The following CEP97 variants were observed in gnomAD, a reference collection of about 807,000 sequenced individuals.
The protein encoded by CEP97 is centrosomal protein 97.
In CEP97, 43 loss-of-function variants were observed where a neutral mutation model predicts 73.1. The observed-to-expected ratio is 0.59, with a 90% CI of 0.46 to 0.76. The LOEUF (loss-of-function observed/expected upper bound fraction) is 0.76. Ranked by LOEUF, CEP97 falls within the 30% of genes least tolerant of loss-of-function variation. CEP97 has a pLI of 0.00. For missense variants in CEP97, 939 were observed against 1,014.0 expected (o/e 0.93, Z 1.00); for synonymous variants, 337 against 370.0 (o/e 0.91, Z 1.02).
rs1486573218 is a variant in CEP97, at chr3:101,765,595, A to G, written c.*44A>G. 1 of 1,505,908 alleles carries G rather than the reference A, an allele frequency of 6.6e-7. No homozygotes were observed. Among genetic ancestry groups the G allele is most frequent in the African/African-American group, 1.4e-5 (1 of 71,586 alleles). 93.3% of individuals were successfully genotyped at this position (1,505,908 alleles called of 1,614,324 possible). On this transcript the variant is annotated 3_prime_UTR_variant, in exon 11 of 11. Coordinates refer to ENST00000341893, the MANE Select transcript of CEP97 (RefSeq NM_024548.4). ...GATATCCACTTAACTTTTCTTAAAA[A>G]TACTTTCAGTTGCCTTTGCTTTTTT...
At chr3:101,759,718 C>T (rs1408804667) in intron 9 of CEP97, among the ~76,000 whole-genome samples, 1 of 152,090 alleles carries the variant, frequency 6.6e-6, no homozygotes, top group Non-Finnish European at 1.5e-5. Context: ...TTTGAACATC[C>T]CCATCCTGCT....
chr3:101,744,021 G>T (rs1336271465), intron 6 of CEP97, among the ~76,000 whole-genome samples: 1 of 130,278 alleles, frequency 7.7e-6, no homozygotes, highest in Non-Finnish European at 1.7e-5. Flanking sequence ...AAAAAAAAAA[G>T]ACTGATAATA....
In CEP97 at chr3:101,768,416, A is replaced by G. The variant is rs1024580295; in HGVS notation, c.*2865A>G. 12 of 152,292 alleles carry G rather than the reference A, an allele frequency of 7.9e-5. No homozygotes were observed. The highest frequency in any genetic ancestry group is 2.6e-4 in the African/African-American group (11 of 41,556). 9.4% of individuals were successfully genotyped at this position (152,292 alleles called of 1,614,324 possible). On this transcript the variant is annotated 3_prime_UTR_variant, in exon 11 of 11. Coordinates refer to ENST00000341893, the MANE Select transcript of CEP97 (RefSeq NM_024548.4). Reference sequence around the variant, plus strand: ...GAAAAAAACTTCTAAGAGAGCTACAACTCTATCACTCATGACAGAGTTGCT... The same window carrying G: ...GAAAAAAACTTCTAAGAGAGCTACAGCTCTATCACTCATGACAGAGTTGCT...
At chr3:101,757,317 A>G (rs1177914300) in intron 8 of CEP97, 121 bp downstream of exon 8, 13 of 1,070,300 alleles carry the variant, frequency 1.2e-5, no homozygotes, top group Non-Finnish European at 1.7e-5. Context: ...TTCAGTAATC[A>G]TTTAGATCTT....
rs1189403277 is a variant in CEP97, at chr3:101,758,050, T to C, written c.1444T>C (p.Leu482=). The C allele has an allele frequency of 6.2e-7, 1 of 1,614,238 alleles. No homozygotes were observed. The highest frequency in any genetic ancestry group is 8.5e-7 in the Non-Finnish European group (1 of 1,180,042). Residue 482 remains leucine, a synonymous_variant, in exon 9 of 11, where the codon TTA becomes CTA. Coordinates refer to ENST00000341893, the MANE Select transcript of CEP97 (RefSeq NM_024548.4). The part of the protein sequence containing the change: ...NTEVNEKAGL[L]PCPEPTIISA... ...AGAGGTAAATGAGAAAGCTGGACTA[T>C]TACCTTGTCCTGAGCCAACAATAAT...
Position 101,755,553 on chromosome 3 carries a change from T to A in CEP97, c.852T>A (p.Thr284=). 6.2e-7 allele frequency: 1 copy of A among 1,614,220 alleles called. No individual in the cohort carries two copies. Among genetic ancestry groups the A allele is most frequent in the East Asian group, 2.2e-5 (1 of 44,884 alleles). ...TCACTTCTACACTAGGTCTTCAAAC[T>A]GCAGAGGATGCCAAACTAGAGAAGA... The part of the protein sequence containing the change: ...CPLTSTLGLQ[T]AEDAKLEKIL... Residue 284 remains threonine, a synonymous_variant, in exon 7 of 11, where the codon ACT becomes ACA. Coordinates refer to ENST00000341893, the MANE Select transcript of CEP97 (RefSeq NM_024548.4).
At chr3:101,739,563 A>AT (rs1429463788) in intron 6 of CEP97, among the ~76,000 whole-genome samples, 3 of 152,196 alleles carry the variant, frequency 2.0e-5, no homozygotes, top group South Asian at 2.1e-4. Context: ...AGAACCAATG[A>AT]TAAAAACCAC....
rs759722862 is a variant in CEP97 at position 101,757,851 on chromosome 3, A to G, written c.1245A>G (p.Leu415=). Residue 415 remains leucine, a synonymous_variant, in exon 9 of 11, where the codon CTA becomes CTG. Transcript: ENST00000341893. ...CAGTTGCATCAGGACTGTCTCCACT[A>G]TCACCTACAGTTGAGCTGAGGCTGC... is the stretch of plus-strand genomic sequence containing the variant. The part of the protein sequence containing the change: ...FMPVASGLSP[L]SPTVELRLQG... 8.7e-6 allele frequency: 14 copies of G among 1,614,232 alleles called. No homozygotes were observed. The highest frequency in any genetic ancestry group is 1.2e-5 in the Non-Finnish European group (14 of 1,180,050).
Position 101,766,042 on chromosome 3 carries a change from A to AT in CEP97, c.*492dup, listed in dbSNP as rs997830744. ...AATTTGCCAGTCTCCCTGGTGTAAA[A>AT]TGTTTTTTTAAAGCCTTTTTTCCTC... On this transcript the variant is annotated 3_prime_UTR_variant, in exon 11 of 11. Transcript: ENST00000341893. The AT allele has an allele frequency of 2.0e-5, 3 of 152,240 alleles. No homozygotes were observed. Among genetic ancestry groups the AT allele is most frequent in the Admixed American group, 1.3e-4 (2 of 15,278 alleles). The allele number at this position is 152,240 out of a possible 1,614,324, so 9.4% of individuals were successfully genotyped here.
Position 101,735,802 on chromosome 3 carries a change from G to GT in CEP97, c.728+3155dup, listed in dbSNP as rs1204126676. ...GGCAGACACCAAGCTAGCTGTAGGA[G>GT]TTTTTTTCATATCCCAGTGGCGCCT... On this transcript the variant is annotated intron_variant, in intron 6 of 10. Coordinates refer to ENST00000341893, the MANE Select transcript of CEP97 (RefSeq NM_024548.4). Among the ~76,000 whole-genome samples, 3 of 152,306 alleles carry GT rather than the reference G, an allele frequency of 2.0e-5. No homozygotes were observed. In the South Asian group the frequency reaches 6.2e-4, roughly 32 times the overall value.
At chr3:101,741,787 A>G (rs1167220153) in intron 6 of CEP97, among the ~76,000 whole-genome samples, 1 of 152,198 alleles carries the variant, frequency 6.6e-6, no homozygotes, top group African/African-American at 2.4e-5. Context: ...CACGCCTGTA[A>G]TCCCAGCACT....
At chr3:101,755,914 G>A (rs1158413412) in intron 7 of CEP97, among the ~76,000 whole-genome samples, 1 of 152,146 alleles carries the variant, frequency 6.6e-6, no homozygotes, top group African/African-American at 2.4e-5. Context: ...CTAATTTTTT[G>A]TAGAGATGAG....
chr3:101,748,233 T>G (rs1938687577), intron 6 of CEP97, among the ~76,000 whole-genome samples: 1 of 151,490 alleles, frequency 6.6e-6, no homozygotes, highest in Admixed American at 6.6e-5. Context: ...GGAGTTTTTG[T>G]TTTTGGTTTT....
chr3:101,754,790 T>TTA (rs1380012186), intron 6 of CEP97, among the ~76,000 whole-genome samples: 1 of 152,216 alleles, frequency 6.6e-6, no homozygotes, highest in African/African-American at 2.4e-5. Flanking sequence ...GAGTTTCCCA[T>TTA]TATCTGCTCA....
Position 101,728,889 on chromosome 3 carries a change from C to A in CEP97, c.399C>A (p.Asp133Glu). 6.2e-7 allele frequency: 1 copy of A among 1,605,652 alleles called. No homozygotes were observed. Among genetic ancestry groups the A allele is most frequent in the Non-Finnish European group, 8.5e-7 (1 of 1,172,268 alleles). The change falls in exon 4 of 11, where the codon GAC becomes GAA. Residue 133 changes from aspartate (D) to glutamate (E), a missense_variant. Coordinates refer to ENST00000341893, the MANE Select transcript of CEP97 (RefSeq NM_024548.4). The stretch of plus-strand genomic sequence containing the variant: ...CTCTACAGCATCTCGATTTATCAGA[C>A]AATAATATATCCCAGATAGGTGATC... ...CTALQHLDLS[D>E]NNISQIGDLS...
At chr3:101,742,815 G>A (rs1938500684) in intron 6 of CEP97, among the ~76,000 whole-genome samples, 1 of 150,726 alleles carries the variant, frequency 6.6e-6, no homozygotes, top group African/African-American at 2.4e-5. Context: ...ACATTTTTAA[G>A]AATTGTAGAA....
At chr3:101,757,223 C>T (rs770650498) in intron 8 of CEP97, 27 bp downstream of exon 8, 16 of 1,578,694 alleles carry the variant, frequency 1.0e-5, no homozygotes, top group Non-Finnish European at 1.2e-5. Context: ...TCTCTGATCC[C>T]TTTTCTCCAA....
At chr3:101,760,138 C>T (rs910719413) in intron 9 of CEP97, among the ~76,000 whole-genome samples, 1 of 150,360 alleles carries the variant, frequency 6.7e-6, no homozygotes, top group Non-Finnish European at 1.5e-5. Context: ...GGAGCAGGAG[C>T]AGGTAAGGTG....
intron 8 of CEP97, 148 bp from the exon 9 acceptor site, chr3:101,757,486 T>A: frequency 1.3e-6 from 1 of 744,562 alleles, no homozygotes; most frequent in Non-Finnish European, 2.1e-6. Flanking sequence ...TTAAAAATGT[T>A]TGGTTTGATG....
Sources: allele counts gnomAD v4.1 joint callset (sites outside exome capture counted in the v4.1 genomes callset), GRCh38; gene constraint gnomAD v4.1.1; transcripts MANE v1.5; gene names NCBI Gene and HGNC (gene_info 2026-07-23, HGNC 2026-07-21).